The following DGKB variants were observed in gnomAD, a reference collection of about 807,000 sequenced individuals.
DGKB encodes diacylglycerol kinase beta.
A neutral mutation model predicts 114.3 loss-of-function variants in DGKB; 67 were observed. That is an observed-to-expected ratio of 0.59 (90% CI 0.48 to 0.72). The LOEUF (loss-of-function observed/expected upper bound fraction) is 0.72, where lower values mean the gene tolerates loss of function less well. Ranked by LOEUF, DGKB falls within the 30% of genes least tolerant of loss-of-function variation. The probability of loss-of-function intolerance (pLI) is 0.00; values close to 1 mark genes in which losing one functional copy is unlikely to be tolerated. For synonymous variants in DGKB, 398 were observed against 323.1 expected, an observed-to-expected ratio of 1.23 and a Z score of -2.49; for missense variants, 907 against 975.2, an observed-to-expected ratio of 0.93 and a Z score of 0.93.
intron 20 of DGKB, among the ~76,000 whole-genome samples, chr7:14,532,597 T>TA (rs1378797948): frequency 6.6e-6 from 1 of 151,380 alleles, no homozygotes; most frequent in Non-Finnish European, 1.5e-5. Flanking sequence ...ATAATAATAA[T>TA]AAATGTATAT....
At chr7:14,658,411 G>A (rs370014894) in intron 13 of DGKB, among the ~76,000 whole-genome samples, 2 of 151,900 alleles carry the variant, frequency 1.3e-5, no homozygotes, top group African/African-American at 4.8e-5. Context: ...TCAGAGGATG[G>A]GAAGAGTTTG....
intron 23 of DGKB, among the ~76,000 whole-genome samples, chr7:14,296,041 T>TG (rs1161452344): frequency 6.6e-6 from 1 of 151,396 alleles, no homozygotes; most frequent in East Asian, 1.9e-4. Flanking sequence ...TGAACTCATT[T>TG]TTTTTTTTTT....
At chr7:14,604,784 A>T (rs967765358) in intron 17 of DGKB, among the ~76,000 whole-genome samples, 6 of 152,100 alleles carry the variant, frequency 3.9e-5, no homozygotes, top group African/African-American at 1.4e-4. Flanking sequence ...GAGTTCAGAG[A>T]AAGGGCAACA....
In DGKB at chr7:14,647,627, T is replaced by A. The variant is rs538923267; in HGVS notation, c.1135-17359A>T. Among the ~76,000 whole-genome samples, 294 of 76,220 alleles carry A rather than the reference T, an allele frequency of 3.9e-3. 2 individuals carry two copies. Among genetic ancestry groups the A allele is most frequent in the Non-Finnish European group, 5.2e-3 (170 of 32,536 alleles). 50.0% of individuals were successfully genotyped at this position (76,220 alleles called of 152,430 possible). ...TTCAACATCACATCAAAAAGATAAT[T>A]CATGGGGGAGGAGCCAAGATGGCCG... On this transcript the variant is annotated intron_variant, in intron 13 of 25. Transcript: ENST00000402815.
At chr7:14,499,716 A>G (rs747026553) in intron 20 of DGKB, among the ~76,000 whole-genome samples, 1 of 151,856 alleles carries the variant, frequency 6.6e-6, no homozygotes, top group East Asian at 1.9e-4. Flanking sequence ...CTAGTACATA[A>G]CCTTTATACT....
chr7:14,195,302 A>G (rs545674245), intron 23 of DGKB, among the ~76,000 whole-genome samples: 1 of 152,234 alleles, frequency 6.6e-6, no homozygotes, highest in East Asian at 1.9e-4. Context: ...TATTAGTGCC[A>G]TCACTAAACA....
At chr7:14,822,627 T>C (rs58439527) in intron 2 of DGKB, among the ~76,000 whole-genome samples, 3,103 of 152,234 alleles carry the variant, frequency 0.02, 107 homozygotes, top group African/African-American at 0.071. Context: ...AAGCTGTTGT[T>C]ATATGACAGG....
At chr7:14,697,956 A>AGAAG (rs1202666045) in intron 8 of DGKB, 139 bp downstream of exon 8, 6 of 604,120 alleles carry the variant, frequency 9.9e-6, no homozygotes, top group Non-Finnish European at 1.5e-5. Flanking sequence ...AAAGGGAGAT[A>AGAAG]GAAGGAAGGA....
chr7:14,788,501 G>T, intron 2 of DGKB, among the ~76,000 whole-genome samples: 1 of 152,016 alleles, frequency 6.6e-6, no homozygotes, highest in East Asian at 1.9e-4. Flanking sequence ...AATGAATCCA[G>T]TCTACACTCC....
chr7:14,159,015 C>T (rs1283865835), intron 25 of DGKB, among the ~76,000 whole-genome samples: 2 of 152,108 alleles, frequency 1.3e-5, no homozygotes, highest in African/African-American at 4.8e-5. Flanking sequence ...TTACCTCTCC[C>T]GCCAATTAAT....
At chr7:14,190,656 G>A (rs964913281) in intron 23 of DGKB, 1 of 151,686 alleles carries the variant, frequency 6.6e-6, no homozygotes, top group Non-Finnish European at 1.5e-5. Flanking sequence ...CACAAGCTAG[G>A]CTAACTAAAA....
intron 23 of DGKB, among the ~76,000 whole-genome samples, chr7:14,217,194 C>T (rs1385110696): frequency 2.0e-5 from 3 of 151,228 alleles, no homozygotes; most frequent in Non-Finnish European, 4.4e-5. Context: ...TTCTAAAGTC[C>T]TATTTATTTA....
intron 23 of DGKB, among the ~76,000 whole-genome samples, chr7:14,293,069 C>T (rs188320094): frequency 1.3e-5 from 2 of 152,066 alleles, no homozygotes; most frequent in African/African-American, 2.4e-5. Context: ...ATTGACATAT[C>T]CTTTGAGTAC....
At chr7:14,900,125 G>T (rs752279488) in intron 1 of DGKB, among the ~76,000 whole-genome samples, 1 of 152,076 alleles carries the variant, frequency 6.6e-6, no homozygotes. Context: ...GTTGTGTGAC[G>T]AACAAAGCAC....
Position 14,682,669 on chromosome 7 carries a change from C to T in DGKB, c.919G>A (p.Val307Ile), listed in dbSNP as rs1821033438. ...CCTTCAACCCAGTAATGGTGCATGA[C>T]CTAGAACAGAATGACAACATTGTGA... ...TYVKSKRNTD[V>I]MHHYWVEGNC... The change falls in exon 12 of 26, where the codon GTC becomes ATC. Residue 307 changes from valine to isoleucine, a missense_variant and splice_region_variant. Physicochemically the swap from Val to Ile is conservative, Grantham distance 29 (BLOSUM62 3). Transcript: ENST00000402815. 1 of 1,612,414 alleles carries T rather than the reference C, an allele frequency of 6.2e-7. No homozygotes were observed. The highest frequency in any genetic ancestry group is 8.5e-7 in the Non-Finnish European group (1 of 1,178,790).
intron 21 of DGKB, among the ~76,000 whole-genome samples, chr7:14,385,465 T>G (rs146650149): frequency 1.2e-4 from 18 of 152,344 alleles, no homozygotes; most frequent in African/African-American, 4.3e-4. Flanking sequence ...CAGTTTTTCA[T>G]GGATGACTTA....
intron 20 of DGKB, among the ~76,000 whole-genome samples, chr7:14,544,817 T>C (rs1412264248): frequency 2.6e-5 from 4 of 152,080 alleles, no homozygotes; most frequent in Non-Finnish European, 4.4e-5. Flanking sequence ...TTCTCTTTTA[T>C]AGATCTCCAT....
intron 23 of DGKB, among the ~76,000 whole-genome samples, chr7:14,303,594 T>A (rs180705249): frequency 3.8e-4 from 58 of 152,232 alleles, no homozygotes; most frequent in African/African-American, 1.2e-3. Flanking sequence ...AACCTAGTCT[T>A]GATCTAGTTG....
intron 25 of DGKB, among the ~76,000 whole-genome samples, chr7:14,162,937 T>G (rs1255172845): frequency 6.6e-6 from 1 of 152,178 alleles, no homozygotes; most frequent in African/African-American, 2.4e-5. Flanking sequence ...TTGTGCACAT[T>G]ATGGTGTCAT....
Sources: allele counts gnomAD v4.1 joint callset (sites outside exome capture counted in the v4.1 genomes callset), GRCh38; gene constraint gnomAD v4.1.1; transcripts MANE v1.5; gene names NCBI Gene and HGNC (gene_info 2026-07-23, HGNC 2026-07-21).